Variants in TAOK1 observed in about 807,000 individuals in gnomAD.
TAOK1 encodes serine/threonine-protein kinase TAO1.
Under a neutral mutation model 138.3 loss-of-function variants are expected in TAOK1, and 21 were observed. That is an observed-to-expected ratio of 0.15 (90% CI 0.11 to 0.22). The LOEUF (loss-of-function observed/expected upper bound fraction) is 0.22, where lower values mean the gene tolerates loss of function less well. Among genes scored for constraint, TAOK1 ranks in the 10% least tolerant of loss-of-function variants. The pLI, the probability that TAOK1 is intolerant of heterozygous loss-of-function variation, is 1.00. For missense variants in TAOK1, 651 were observed against 1,227.7 expected (o/e 0.53, Z 7.02); for synonymous variants, 361 against 398.4 (o/e 0.91, Z 1.12).
chr17:29,463,464 C>T (rs763582185), intron 2 of TAOK1, among the ~76,000 whole-genome samples: 9 of 151,654 alleles, frequency 5.9e-5, no homozygotes, highest in East Asian at 5.8e-4. Context: ...CCAGCTACTC[C>T]GGGGGCTGAG....
At position 29,545,191 on chromosome 17, in the gene TAOK1, G is replaced by A. The variant is rs1001733215; in HGVS notation, c.*2169G>A. 3 of 152,172 alleles carry A rather than the reference G, an allele frequency of 2.0e-5. No homozygotes were observed. Among genetic ancestry groups the A allele is most frequent in the Non-Finnish European group, 4.4e-5 (3 of 68,036 alleles). The allele number at this position is 152,172 out of a possible 1,614,324, so 9.4% of individuals were successfully genotyped here. A position where few individuals can be genotyped will look rare whatever the true frequency, so the allele number is the denominator to read the frequency against. ...CATGACATGTACTTGTAATATCAGTGAAAGGGGCTTTTAGTCGTCTCAGTA... is the reference window on the plus strand; with the variant it reads ...CATGACATGTACTTGTAATATCAGTAAAAGGGGCTTTTAGTCGTCTCAGTA... On this transcript the variant is annotated 3_prime_UTR_variant, in exon 20 of 20. Coordinates refer to ENST00000261716, the MANE Select transcript of TAOK1 (RefSeq NM_020791.4).
chr17:29,429,100 G>T (rs898048021), intron 1 of TAOK1, among the ~76,000 whole-genome samples: 1 of 152,150 alleles, frequency 6.6e-6, no homozygotes, highest in African/African-American at 2.4e-5. Context: ...CTTGGTTTTA[G>T]AACTTAATGC....
intron 18 of TAOK1, 153 bp downstream of exon 18, chr17:29,530,772 CAT>C: frequency 3.0e-6 from 2 of 667,008 alleles, no homozygotes; most frequent in Non-Finnish European, 5.2e-6. Flanking sequence ...CTGTTCTCAA[CAT>C]TGCTTGAAAA....
At chr17:29,501,746 C>T (rs2031535462) in intron 12 of TAOK1, among the ~76,000 whole-genome samples, 1 of 152,016 alleles carries the variant, frequency 6.6e-6, no homozygotes, top group Non-Finnish European at 1.5e-5. Context: ...GGATATAAAT[C>T]TAGTCATGTG....
At chr17:29,479,401 G>A (rs936040095) in intron 6 of TAOK1, among the ~76,000 whole-genome samples, 1 of 151,658 alleles carries the variant, frequency 6.6e-6, no homozygotes, top group Non-Finnish European at 1.5e-5. Context: ...ATGAGGATAA[G>A]ATCTGAGAGA....
intron 1 of TAOK1, 37 bp downstream of exon 1, chr17:29,391,061 A>AGG (rs1350026971): frequency 5.4e-5 from 5 of 93,104 alleles, no homozygotes; most frequent in African/African-American, 8.5e-5. Context: ...GGGGATATAG[A>AGG]GGGGGGCGGG....
At chr17:29,393,105 C>T (rs1239796682) in intron 1 of TAOK1, among the ~76,000 whole-genome samples, 2 of 152,008 alleles carry the variant, frequency 1.3e-5, no homozygotes, top group African/African-American at 4.8e-5. Flanking sequence ...GACAAAGCTG[C>T]ATGTTGTTGA....
chr17:29,516,096 G>T (rs1160967790), intron 15 of TAOK1, among the ~76,000 whole-genome samples: 1 of 144,930 alleles, frequency 6.9e-6, no homozygotes, highest in African/African-American at 2.5e-5. Context: ...CGAGTAGCTG[G>T]GATTGCAAGC....
intron 1 of TAOK1, among the ~76,000 whole-genome samples, chr17:29,414,126 G>A (rs1347243090): frequency 1.3e-5 from 2 of 151,684 alleles, no homozygotes; most frequent in East Asian, 1.9e-4. Context: ...CTCGTGATCC[G>A]CCTGCCTCAG....
chr17:29,443,154 G>A (rs55880634), intron 1 of TAOK1, among the ~76,000 whole-genome samples: 22,816 of 152,128 alleles, frequency 0.15, 1,925 homozygotes, highest in Admixed American at 0.21. Flanking sequence ...ACTAACAGAT[G>A]TAGAGAAAAG....
At chr17:29,529,001 T>A (rs1174224881) in intron 17 of TAOK1, among the ~76,000 whole-genome samples, 1 of 147,106 alleles carries the variant, frequency 6.8e-6, no homozygotes, top group African/African-American at 2.5e-5. Flanking sequence ...GACCAGTGTC[T>A]CACTCTATTG....
At chr17:29,419,726 T>C (rs1333253112) in intron 1 of TAOK1, among the ~76,000 whole-genome samples, 1 of 151,982 alleles carries the variant, frequency 6.6e-6, no homozygotes, top group Non-Finnish European at 1.5e-5. Flanking sequence ...ACTCCTGAGC[T>C]CAAGCGATCC....
At chr17:29,527,441 T>C (rs2032030262) in intron 17 of TAOK1, among the ~76,000 whole-genome samples, 1 of 152,166 alleles carries the variant, frequency 6.6e-6, no homozygotes, top group South Asian at 2.1e-4. Flanking sequence ...CTCCAGAGCC[T>C]GGACAACAGA....
At chr17:29,496,762 T>C (rs1410199826) in intron 11 of TAOK1, among the ~76,000 whole-genome samples, 1 of 131,888 alleles carries the variant, frequency 7.6e-6, no homozygotes, top group Non-Finnish European at 1.8e-5. Flanking sequence ...ATTTTTTGTA[T>C]GTTTAGTAGA....
chr17:29,475,790 C>A lies in TAOK1; in HGVS notation c.306+19C>A. 6.3e-7 allele frequency: 1 copy of A among 1,579,470 alleles called. No homozygotes were observed. The highest frequency in any genetic ancestry group is 8.7e-7 in the Non-Finnish European group (1 of 1,150,574). Reference sequence around the variant, plus strand: ...AGCATGGGTTGGTATTTGTTCTCCCCTTGTTGCAGTTTTAGCTGATTTTGG... The same window carrying A: ...AGCATGGGTTGGTATTTGTTCTCCCATTGTTGCAGTTTTAGCTGATTTTGG... On this transcript the variant is annotated intron_variant, in intron 4 of 19. Coordinates refer to ENST00000261716, the MANE Select transcript of TAOK1 (RefSeq NM_020791.4).
At position 29,542,689 on chromosome 17, in the gene TAOK1, C is replaced by G; in HGVS notation, c.2673C>G (p.Val891=). 1 of 1,614,200 alleles carries G rather than the reference C, an allele frequency of 6.2e-7. No individual in the cohort carries two copies. The highest frequency in any genetic ancestry group is 8.5e-7 in the Non-Finnish European group (1 of 1,180,044). The change falls in exon 20 of 20, where the codon GTC becomes GTG. Residue 891 remains valine, a synonymous_variant. Transcript: ENST00000261716. The part of the protein sequence containing the change: ...ESMRLGFSNM[V]LSNLSPEAFS... ...TGAGACTAGGTTTTAGTAATATGGT[C>G]CTTTCTAATCTCTCCCCTGAGGCAT...
chr17:29,489,836 A>C, intron 9 of TAOK1, 79 bp downstream of exon 9: 1 of 1,039,680 alleles, frequency 9.6e-7, no homozygotes, highest in South Asian at 1.7e-5. Flanking sequence ...AAAGTGATTT[A>C]ATTTCAGTTA....
chr17:29,490,707 CAG>C (rs1173533586), intron 9 of TAOK1, among the ~76,000 whole-genome samples: 12 of 152,174 alleles, frequency 7.9e-5, no homozygotes, highest in African/African-American at 2.9e-4. Flanking sequence ...GCTGCTGTAA[CAG>C]AGTATCAGAG....
At chr17:29,531,862 C>CTT (rs1185280066) in intron 18 of TAOK1, among the ~76,000 whole-genome samples, 38 of 138,420 alleles carry the variant, frequency 2.7e-4, no homozygotes, top group African/African-American at 8.0e-4. Flanking sequence ...GTAACCCTTT[C>CTT]TTTTTTTTTT....
Sources: allele counts gnomAD v4.1 joint callset (sites outside exome capture counted in the v4.1 genomes callset), GRCh38; gene constraint gnomAD v4.1.1; transcripts MANE v1.5; gene names NCBI Gene and HGNC (gene_info 2026-07-23, HGNC 2026-07-21).